The following LRRTM4 variants were observed in gnomAD, a reference collection of about 807,000 sequenced individuals.
LRRTM4 encodes leucine-rich repeat transmembrane neuronal protein 4.
A neutral mutation model predicts 47.6 loss-of-function variants in LRRTM4; 25 were observed. The ratio of observed to expected loss-of-function variants is 0.53; its 90% CI spans 0.38 to 0.73. The LOEUF (loss-of-function observed/expected upper bound fraction) is 0.73, where lower values mean the gene tolerates loss of function less well. Ranked by LOEUF, LRRTM4 falls within the 30% of genes least tolerant of loss-of-function variation. LRRTM4 has a pLI of 0.00. For missense variants in LRRTM4, 638 were observed against 713.4 expected (o/e 0.89, Z 1.20); for synonymous variants, 311 against 269.5 (o/e 1.15, Z -1.51).
intron 3 of LRRTM4, among the ~76,000 whole-genome samples, chr2:77,083,783 CTTTTTTTTTTTTTTTTTTTTT>C (rs386390525): frequency 0.027 from 1,391 of 52,350 alleles, 51 homozygotes; most frequent in African/African-American, 0.074. Context: ...ACTGGACACA[CTTTTTTTTTTTTTTTTTTTTT>C]TTTTTTTTTT....
intron 3 of LRRTM4, among the ~76,000 whole-genome samples, chr2:76,848,999 T>C (rs947531644): frequency 3.3e-5 from 5 of 152,108 alleles, no homozygotes; most frequent in African/African-American, 1.2e-4. Flanking sequence ...GTACATTCCC[T>C]GTTATACCAG....
intron 3 of LRRTM4, among the ~76,000 whole-genome samples, chr2:76,759,504 C>G (rs1028047106): frequency 5.3e-5 from 8 of 152,122 alleles, no homozygotes; most frequent in Admixed American, 4.6e-4. Context: ...CTTAAGCCAG[C>G]AAACCTGCCC....
At chr2:77,158,580 T>A (rs1451176791) in intron 3 of LRRTM4, among the ~76,000 whole-genome samples, 2 of 152,162 alleles carry the variant, frequency 1.3e-5, no homozygotes, top group Non-Finnish European at 2.9e-5. Flanking sequence ...TACATTTATC[T>A]TACAAATCAA....
At chr2:77,011,733 AG>A (rs1677883358) in intron 3 of LRRTM4, among the ~76,000 whole-genome samples, 2 of 152,118 alleles carry the variant, frequency 1.3e-5, no homozygotes, top group African/African-American at 4.8e-5. Context: ...AACTCTTTAT[AG>A]TTAACATTAT....
chr2:77,293,220 AAATG>A (rs1292717008), intron 3 of LRRTM4, among the ~76,000 whole-genome samples: 4 of 152,180 alleles, frequency 2.6e-5, no homozygotes, highest in Admixed American at 6.6e-5. Flanking sequence ...AATAAAACCC[AAATG>A]AAGAAAGTTC....
In LRRTM4 at chr2:77,394,197, G is replaced by A. The variant is rs1015596711; in HGVS notation, c.1551+124121C>T. On this transcript the variant is annotated intron_variant, in intron 3 of 3. Coordinates refer to ENST00000409884, the MANE Select transcript of LRRTM4 (RefSeq NM_001134745.3). ...GCTGCTGAAAAAAAGTGAAAAATGT[G>A]TAAAAAGAAAATAAATTTAAAAATT... Among the ~76,000 whole-genome samples the A allele has an allele frequency of 2.4e-4, 37 of 151,922 alleles. 1 individual carries two copies. The highest frequency in any genetic ancestry group is 8.0e-4 in the African/African-American group (33 of 41,494).
chr2:76,900,136 A>C (rs761333610), intron 3 of LRRTM4, among the ~76,000 whole-genome samples: 18 of 152,016 alleles, frequency 1.2e-4, no homozygotes, highest in Non-Finnish European at 1.6e-4. Context: ...GGGAGGCTTG[A>C]GGTGGGAGAT....
chr2:77,361,260 C>A (rs1287938354), intron 3 of LRRTM4, among the ~76,000 whole-genome samples: 2 of 151,256 alleles, frequency 1.3e-5, no homozygotes, highest in African/African-American at 2.4e-5. Context: ...TGGGTAGTAA[C>A]TTTTTAAAAT....
chr2:77,036,994 G>T (rs1415508049), intron 3 of LRRTM4, among the ~76,000 whole-genome samples: 2 of 151,568 alleles, frequency 1.3e-5, no homozygotes, highest in Admixed American at 6.6e-5. Context: ...TGCCTAGCAT[G>T]CTAGGGATTC....
At chr2:77,371,642 G>T (rs977502688) in intron 3 of LRRTM4, among the ~76,000 whole-genome samples, 1 of 151,314 alleles carries the variant, frequency 6.6e-6, no homozygotes, top group Non-Finnish European at 1.5e-5. Flanking sequence ...GCTTTACTCC[G>T]GTTTTTGGGG....
chr2:77,057,308 T>TA (rs1371903762), intron 3 of LRRTM4, among the ~76,000 whole-genome samples: 8 of 152,246 alleles, frequency 5.3e-5, no homozygotes, highest in African/African-American at 7.2e-5. Flanking sequence ...ATGCATATGT[T>TA]AAAAAAACTG....
At chr2:77,388,926 C>T (rs1425492567) in intron 3 of LRRTM4, among the ~76,000 whole-genome samples, 2 of 151,858 alleles carry the variant, frequency 1.3e-5, no homozygotes, top group Non-Finnish European at 2.9e-5. Context: ...ATGTGTTCAT[C>T]CAAATATCTA....
Position 77,518,748 on chromosome 2 carries a change from A to G in LRRTM4, c.1121T>C (p.Val374Ala), listed in dbSNP as rs759817846. ...CAGAGGTTTCTGGGGAGTTTGGGGC[A>G]CCAGGTGTGATCTTTCTGTGTTGAC... is the stretch of plus-strand genomic sequence containing the variant. ...QVVNTERSHL[V>A]PQTPQKPLII... Residue 374 changes from valine to alanine, a missense_variant, in exon 3 of 4, where the codon GTG becomes GCG. Val to Ala is a moderately conservative substitution (Grantham distance 64, BLOSUM62 0). Transcript: ENST00000409884. The G allele has an allele frequency of 2.4e-5, 39 of 1,613,380 alleles. No homozygotes were observed. In the East Asian group the frequency reaches 8.7e-4, roughly 36 times the overall value.
intron 3 of LRRTM4, among the ~76,000 whole-genome samples, chr2:77,012,075 T>C (rs1237165959): frequency 4.6e-5 from 7 of 152,030 alleles, no homozygotes; most frequent in Admixed American, 3.3e-4. Flanking sequence ...ACCTTTCAAA[T>C]CTCACGCAAA....
In LRRTM4 at chr2:77,175,074, CTTTTTTTT is replaced by C. The variant is rs34057321; in HGVS notation, c.1551+343236_1551+343243del. 5.8e-5 allele frequency among the ~76,000 whole-genome samples: 8 copies of C among 138,398 alleles called. No homozygotes were observed. In the Admixed American group the frequency reaches 5.8e-4, roughly 10 times the overall value. The allele number at this position is 138,398 out of a possible 152,430, so 90.8% of individuals were successfully genotyped here. On this transcript the variant is annotated intron_variant, in intron 3 of 3. Coordinates refer to ENST00000409884, the MANE Select transcript of LRRTM4 (RefSeq NM_001134745.3). The stretch of plus-strand genomic sequence containing the variant: ...ATCTATTTTTCTTTATTTCTTTTTT[CTTTTTTTT>C]TTTTTTTGACACAGTCACACTCCTT...
intron 3 of LRRTM4, among the ~76,000 whole-genome samples, chr2:77,071,803 T>G (rs896057196): frequency 1.3e-5 from 2 of 152,182 alleles, no homozygotes; most frequent in African/African-American, 4.8e-5. Flanking sequence ...CAGTATCTGT[T>G]GTTGATAAAG....
intron 3 of LRRTM4, among the ~76,000 whole-genome samples, chr2:77,438,921 T>A (rs1025026341): frequency 1.3e-5 from 2 of 152,166 alleles, no homozygotes. Context: ...ATATTAGACC[T>A]TGTTATGGGG....
At chr2:77,266,113 A>G (rs1676042155) in intron 3 of LRRTM4, among the ~76,000 whole-genome samples, 2 of 152,170 alleles carry the variant, frequency 1.3e-5, no homozygotes, top group African/African-American at 4.8e-5. Context: ...TTGTACTGTA[A>G]TAGCAGAGTT....
Position 76,979,980 on chromosome 2 carries a change from G to A in LRRTM4, c.1552-231064C>T, listed in dbSNP as rs921238552. Among the ~76,000 whole-genome samples the A allele has an allele frequency of 2.0e-5, 3 of 152,048 alleles. No homozygotes were observed. In the East Asian group the frequency reaches 5.8e-4, roughly 29 times the overall value. On this transcript the variant is annotated intron_variant, in intron 3 of 3. Transcript: ENST00000409884. ...AACTTCAGAGCCCCTGGCCACAGAT[G>A]ATTTGTCGCTGGCAGGGCTGAGGGG...
Sources: gnomAD v4.1 joint callset for allele counts (sites outside exome capture counted in the v4.1 genomes callset) on GRCh38, gnomAD v4.1.1 for gene constraint, MANE v1.5 for transcripts, NCBI Gene and HGNC (gene_info 2026-07-23, HGNC 2026-07-21) for gene names.